The following SORL1 variants were observed in gnomAD, a reference collection of about 807,000 sequenced individuals.
SORL1 encodes sortilin-related receptor.
Under a neutral mutation model 273.7 loss-of-function variants are expected in SORL1, and 127 were observed. The ratio of observed to expected loss-of-function variants is 0.46; its 90% confidence interval spans 0.40 to 0.54. The LOEUF is 0.54. SORL1 is among the 20% of genes least tolerant of loss of function. The pLI is 0.00. For missense variants in SORL1, 2,494 were observed against 2,846.1 expected, an observed-to-expected ratio of 0.88 and a Z score of 2.81; for synonymous variants, 1,031 against 1,067.4, an observed-to-expected ratio of 0.97 and a Z score of 0.66.
intron 1 of SORL1, among the ~76,000 whole-genome samples, chr11:121,466,453 G>T (rs998478749): frequency 6.6e-6 from 1 of 152,170 alleles, no homozygotes; most frequent in African/African-American, 2.4e-5. Context: ...CCTGTGGGTT[G>T]TTCTTGATTG....
intron 14 of SORL1, among the ~76,000 whole-genome samples, chr11:121,546,380 G>A (rs999718486): frequency 2.0e-5 from 3 of 152,048 alleles, no homozygotes; most frequent in Non-Finnish European, 4.4e-5. Flanking sequence ...GCTGTAGGAA[G>A]AGGATTCTAG....
rs554828811 is a variant in SORL1, at chr11:121,534,640, GGCATTTACTCAGTGT to G, written c.1685+2090_1685+2104del. Among the ~76,000 whole-genome samples, 167 of 152,330 alleles carry G rather than the reference GGCATTTACTCAGTGT, an allele frequency of 1.1e-3. 1 individual carries two copies. Among genetic ancestry groups the G allele is most frequent in the African/African-American group, 4.0e-3 (165 of 41,566 alleles). ...TTGGCCTAAATCTGTGTAGCCACCTGGCATTTACTCAGTGTGTTGTTCACAGAGGTATTTTGCTTC... is the reference window on the plus strand; with the variant it reads ...TTGGCCTAAATCTGTGTAGCCACCTGGTTGTTCACAGAGGTATTTTGCTTC... On this transcript the variant is annotated intron_variant, in intron 12 of 47. Coordinates refer to ENST00000260197, the MANE Select transcript of SORL1 (RefSeq NM_003105.6).
At chr11:121,600,614 T>C (rs1863373852) in intron 32 of SORL1, among the ~76,000 whole-genome samples, 1 of 152,242 alleles carries the variant, frequency 6.6e-6, no homozygotes, top group African/African-American at 2.4e-5. Context: ...GTTTTCAGCC[T>C]GTTTCCAATC....
chr11:121,618,224 T>A (rs1863667094), intron 41 of SORL1, among the ~76,000 whole-genome samples: 1 of 152,196 alleles, frequency 6.6e-6, no homozygotes. Flanking sequence ...CAATTCTCAA[T>A]CAGAACCAGA....
In SORL1 at chr11:121,629,600, AT is replaced by A; in HGVS notation, c.*41del. ...TCACTAGAAACCAAATGGTGTAAAT[AT>A]TTTATTTGATAAAGATAGTTGATGG... On this transcript the variant is annotated 3_prime_UTR_variant, in exon 48 of 48. Transcript: ENST00000260197. 1.0e-6 allele frequency: 1 copy of A among 1,002,428 alleles called. No individual in the cohort carries two copies. The highest frequency in any genetic ancestry group is 1.6e-6 in the Non-Finnish European group (1 of 624,016). 62.1% of individuals were successfully genotyped at this position (1,002,428 alleles called of 1,614,324 possible). A position where few individuals can be genotyped will look rare whatever the true frequency, so the allele number is the denominator to read the frequency against.
rs781023219 is a variant in SORL1 at position 121,588,112 on chromosome 11, C to A, written c.3907C>A (p.Arg1303Ser). ...SMVCDGIIQCRDGSDEDAAFA... is the reference protein window; with the variant it reads ...SMVCDGIIQCSDGSDEDAAFA... ...GGTCTGTGACGGAATCATCCAGTGC[C>A]GCGACGGGTCCGATGAGGATGCGGC... Residue 1303 changes from arginine to serine, a missense_variant, in exon 28 of 48, where the codon CGC (arginine) becomes AGC (serine). This residue lies in a region of SORL1 where 1,609 missense variants were observed against 1,816.4 expected (regional missense o/e 0.89). Transcript: ENST00000260197. The A allele has an allele frequency of 6.2e-7, 1 of 1,613,826 alleles. No individual in the cohort carries two copies. The highest frequency in any genetic ancestry group is 1.7e-5 in the Admixed American group (1 of 60,010).
chr11:121,620,922 G>T, intron 43 of SORL1, 142 bp from the exon 44 acceptor site: 1 of 618,202 alleles, frequency 1.6e-6, no homozygotes, highest in Non-Finnish European at 2.8e-6. Context: ...GCCTTCCAAA[G>T]AATGGAGTCA....
intron 3 of SORL1, among the ~76,000 whole-genome samples, chr11:121,481,091 C>A (rs1002744062): frequency 2.3e-5 from 3 of 128,740 alleles, no homozygotes; most frequent in Non-Finnish European, 4.9e-5. Flanking sequence ...TCTCCTCCTC[C>A]CCAGCTCCTC....
rs150403631 is a variant in SORL1, at chr11:121,515,814, G to A, written c.1211+1493G>A. Among the ~76,000 whole-genome samples, 487 of 152,168 alleles carry A rather than the reference G, an allele frequency of 3.2e-3. 6 individuals are homozygous for A. The highest frequency in any genetic ancestry group is 0.011 in the African/African-American group (466 of 41,508). ...TTACAGGTGTGCACCACCAGGCCAG[G>A]CTAATTTTTATATTTTTAGTAGAGA... On this transcript the variant is annotated intron_variant, in intron 8 of 47. Coordinates refer to ENST00000260197, the MANE Select transcript of SORL1 (RefSeq NM_003105.6).
In SORL1 at chr11:121,580,538, G is replaced by GT. The variant is rs371279841; in HGVS notation, c.3581-2914dup. On this transcript the variant is annotated intron_variant, in intron 25 of 47. Coordinates refer to ENST00000260197, the MANE Select transcript of SORL1 (RefSeq NM_003105.6). ...CAGTGTTCTTTTTTTAATACTTTAT[G>GT]TTTTTTCTTCTCTGTCATTAATCAT... is the stretch of plus-strand genomic sequence containing the variant. Among the ~76,000 whole-genome samples the GT allele has an allele frequency of 4.3e-3, 586 of 135,844 alleles. 1 individual carries two copies. The highest frequency in any genetic ancestry group is 7.8e-3 in the Middle Eastern group (2 of 256). 89.1% of individuals were successfully genotyped at this position (135,844 alleles called of 152,430 possible). A position where few individuals can be genotyped will look rare whatever the true frequency, so the allele number is the denominator to read the frequency against.
intron 14 of SORL1, among the ~76,000 whole-genome samples, chr11:121,547,867 C>T (rs988431372): frequency 2.0e-4 from 31 of 152,244 alleles, no homozygotes; most frequent in African/African-American, 7.2e-4. Context: ...AATGAGCAAG[C>T]TTATAGTATC....
Position 121,452,359 on chromosome 11 carries a change from T to A in SORL1, c.28T>A (p.Ser10Thr). 6.5e-7 allele frequency: 1 copy of A among 1,548,684 alleles called. No homozygotes were observed. Among genetic ancestry groups the A allele is most frequent in the Non-Finnish European group, 8.7e-7 (1 of 1,152,264 alleles). Residue 10 changes from serine (S) to threonine (T), a missense_variant, in exon 1 of 48, where the codon TCG (serine) becomes ACG (threonine). Coordinates refer to ENST00000260197, the MANE Select transcript of SORL1 (RefSeq NM_003105.6). The surrounding 1 kb of genome is among the most constrained non-coding windows in gnomAD (Gnocchi z 5.3). Reference sequence around the variant, plus strand: ...GGCGACACGGAGCAGCAGGAGGGAGTCGCGACTCCCGTTCCTATTCACCCT... The same window carrying A: ...GGCGACACGGAGCAGCAGGAGGGAGACGCGACTCCCGTTCCTATTCACCCT... MATRSSRRESRLPFLFTLVA... is the reference protein window; with the variant it reads MATRSSRRETRLPFLFTLVA...
chr11:121,605,749 T>A (rs1863460895), intron 35 of SORL1, among the ~76,000 whole-genome samples, 178 bp downstream of exon 35: 1 of 152,244 alleles, frequency 6.6e-6, no homozygotes, highest in African/African-American at 2.4e-5. Flanking sequence ...TCTTACTGCA[T>A]CAGAGACTGT....
chr11:121,524,854 T>G (rs903963300), intron 11 of SORL1, among the ~76,000 whole-genome samples: 2 of 152,222 alleles, frequency 1.3e-5, no homozygotes, highest in Non-Finnish European at 2.9e-5. Context: ...GTCACCACAA[T>G]TAAGATAACA....
Position 121,554,145 on chromosome 11 carries a change from C to T in SORL1, c.2439+36C>T. On this transcript the variant is annotated intron_variant, in intron 17 of 47. Transcript: ENST00000260197. This position sits in a 1 kb window ranked among gnomAD's most constrained non-coding sequence, Gnocchi z 4.6. ...GCTTGGTCTGACTGTGGGAGCTGTG[C>T]ATCGTGACTGCCCTGTCCTGATAAG... 1.9e-6 allele frequency: 3 copies of T among 1,593,010 alleles called. No homozygotes were observed. Among genetic ancestry groups the T allele is most frequent in the Non-Finnish European group, 2.6e-6 (3 of 1,164,128 alleles).
intron 25 of SORL1, among the ~76,000 whole-genome samples, chr11:121,580,748 A>G (rs1392359243): frequency 6.6e-6 from 1 of 151,536 alleles, no homozygotes; most frequent in Non-Finnish European, 1.5e-5. Flanking sequence ...GGGGCTACAG[A>G]CATGTGCCAT....
chr11:121,540,476 A>C (rs1451613353), intron 12 of SORL1, among the ~76,000 whole-genome samples: 2 of 147,118 alleles, frequency 1.4e-5, no homozygotes, highest in Non-Finnish European at 3.0e-5. Flanking sequence ...CAGGAGTTTG[A>C]GACCAGCCTG....
At chr11:121,494,875 CT>C (rs1183532954) in intron 5 of SORL1, among the ~76,000 whole-genome samples, 3 of 152,168 alleles carry the variant, frequency 2.0e-5, no homozygotes, top group Non-Finnish European at 2.9e-5. Context: ...TGCATATCCT[CT>C]GGCTAGAGGA....
intron 25 of SORL1, among the ~76,000 whole-genome samples, chr11:121,582,014 A>G (rs1229216099): frequency 6.6e-6 from 1 of 152,238 alleles, no homozygotes; most frequent in African/African-American, 2.4e-5. Context: ...CTTATCAGAA[A>G]TAAGTATAGT....
Sources: gnomAD v4.1 joint callset for allele counts (sites outside exome capture counted in the v4.1 genomes callset) on GRCh38, gnomAD v4.1.1 for gene constraint, gnomAD v4.1.1 regional missense constraint, Gnocchi (gnomAD v3.1) non-coding constraint, MANE v1.5 for transcripts, NCBI Gene and HGNC (gene_info 2026-07-23, HGNC 2026-07-21) for gene names.